Variants in NSUN7 observed in about 807,000 individuals in gnomAD.
NSUN7 encodes NOP2/Sun RNA methyltransferase family member 7.
A neutral mutation model predicts 58.5 loss-of-function variants in NSUN7; 39 were observed. The ratio of observed to expected loss-of-function variants is 0.67; its 90% CI spans 0.52 to 0.87. The LOEUF (loss-of-function observed/expected upper bound fraction) is 0.87. NSUN7 is among the 40% of genes least tolerant of loss of function. NSUN7 has a pLI of 0.00. For synonymous variants in NSUN7, 278 were observed against 303.7 expected (o/e 0.92, Z 0.88); for missense variants, 765 against 844.1 (o/e 0.91, Z 1.16).
At chr4:40,751,060 CCCT>C (rs1166839866) in intron 2 of NSUN7, 69 bp downstream of exon 2, 7 of 1,516,018 alleles carry the variant, frequency 4.6e-6, no homozygotes, top group Non-Finnish European at 6.3e-6. Context: ...GGGAATGCAG[CCCT>C]CCTCCTCCCT....
At position 40,810,120 on chromosome 4, in the gene NSUN7, A is replaced by C. The variant is rs1744126033; in HGVS notation, c.*1181A>C. The C allele has an allele frequency of 6.6e-6, 1 of 152,262 alleles. No individual in the cohort carries two copies. The highest frequency in any genetic ancestry group is 1.5e-5 in the Non-Finnish European group (1 of 68,044). 9.4% of individuals were successfully genotyped at this position (152,262 alleles called of 1,614,324 possible). A position where few individuals can be genotyped will look rare whatever the true frequency, so the allele number is the denominator to read the frequency against. On this transcript the variant is annotated 3_prime_UTR_variant, in exon 12 of 12. Coordinates refer to ENST00000381782, the MANE Select transcript of NSUN7 (RefSeq NM_024677.6). Reference sequence around the variant, plus strand: ...GCTCAATTCAGGTGGCATGATTTTTAGAATATTATCTTCTTCAAGATGAAT... The same window carrying C: ...GCTCAATTCAGGTGGCATGATTTTTCGAATATTATCTTCTTCAAGATGAAT...
At chr4:40,764,031 T>C (rs1741586382) in intron 4 of NSUN7, among the ~76,000 whole-genome samples, 1 of 152,108 alleles carries the variant, frequency 6.6e-6, no homozygotes, top group South Asian at 2.1e-4. Context: ...CCACAGTATT[T>C]TACTCGAGTC....
In NSUN7 at chr4:40,786,026, TCTTATAG is replaced by T. The variant is rs1577571618; in HGVS notation, c.1037-4573_1037-4567del. 4.7e-6 allele frequency: 7 copies of T among 1,499,516 alleles called. No individual in the cohort carries two copies. In the East Asian group the frequency reaches 1.6e-4, roughly 34 times the overall value. The allele number at this position is 1,499,516 out of a possible 1,614,324, so 92.9% of individuals were successfully genotyped here. The stretch of plus-strand genomic sequence containing the variant: ...AGAAGAGGGAAGGACAGTTAGTCAG[TCTTATAG>T]CTGGATCAGTTACCAGGAGAAGTTC... On this transcript the variant is annotated intron_variant, in intron 7 of 11. Transcript: ENST00000381782.
At chr4:40,759,211 T>A (rs1435496258) in intron 2 of NSUN7, among the ~76,000 whole-genome samples, 1 of 152,140 alleles carries the variant, frequency 6.6e-6, no homozygotes, top group African/African-American at 2.4e-5. Flanking sequence ...CTTGGTAGGC[T>A]GAGACAGGAG....
chr4:40,755,487 T>C (rs915117735), intron 2 of NSUN7, among the ~76,000 whole-genome samples: 1 of 152,346 alleles, frequency 6.6e-6, no homozygotes, highest in African/African-American at 2.4e-5. Flanking sequence ...TCCCTGAAAT[T>C]GCTTATCTTT....
rs1744256865 is a variant in NSUN7, at chr4:40,810,804, G to C, written c.*1865G>C. On this transcript the variant is annotated 3_prime_UTR_variant, in exon 12 of 12. Coordinates refer to ENST00000381782, the MANE Select transcript of NSUN7 (RefSeq NM_024677.6). ...GTGGCTCATCCTCTTATCCCACCCA[G>C]ATTTCTATCTGGTTGGTTAGGGTAG... 6.6e-6 allele frequency: 1 copy of C among 152,134 alleles called. No homozygotes were observed. Among genetic ancestry groups the C allele is most frequent in the Non-Finnish European group, 1.5e-5 (1 of 68,034 alleles). 9.4% of individuals were successfully genotyped at this position (152,134 alleles called of 1,614,324 possible).
intron 4 of NSUN7, among the ~76,000 whole-genome samples, chr4:40,772,849 C>T (rs1742078561): frequency 6.6e-6 from 1 of 152,186 alleles, no homozygotes; most frequent in Admixed American, 6.5e-5. Flanking sequence ...TGTTTTGTGA[C>T]ATCTCTTCTT....
intron 7 of NSUN7, among the ~76,000 whole-genome samples, chr4:40,781,340 C>T (rs1011786836): frequency 1.3e-5 from 2 of 152,150 alleles, no homozygotes; most frequent in Non-Finnish European, 2.9e-5. Flanking sequence ...TGTGAGCTAC[C>T]ATGCCTGGCC....
At chr4:40,773,755 A>G (rs892215060) in intron 4 of NSUN7, among the ~76,000 whole-genome samples, 2 of 152,126 alleles carry the variant, frequency 1.3e-5, no homozygotes, top group Non-Finnish European at 2.9e-5. Flanking sequence ...ACAACTATAC[A>G]GGGGCAGCAA....
Position 40,808,605 on chromosome 4 carries a change from A to G in NSUN7, c.1823A>G (p.Lys608Arg), listed in dbSNP as rs1267337219. 6.4e-7 allele frequency: 1 copy of G among 1,551,800 alleles called. No homozygotes were observed. The highest frequency in any genetic ancestry group is 2.4e-5 in the East Asian group (1 of 40,932). The change falls in exon 12 of 12, where the codon AAG becomes AGG. Residue 608 changes from lysine to arginine, a missense_variant. Transcript: ENST00000381782. ...GASSQTRKPN[K>R]LAPHPAVPAF... The stretch of plus-strand genomic sequence containing the variant: ...TCCTCACAGACCAGAAAACCCAACA[A>G]GCTGGCCCCCCATCCTGCAGTGCCT...
chr4:40,799,942 A>AATGTGAAATT (rs1577584591), intron 10 of NSUN7, among the ~76,000 whole-genome samples: 1 of 152,356 alleles, frequency 6.6e-6, no homozygotes, highest in East Asian at 1.9e-4. Context: ...ATTTCACATT[A>AATGTGAAATT]CAGAAGTACT....
chr4:40,776,252 A>T lies in NSUN7; in HGVS notation c.1029A>T (p.Gly343=). 2 of 1,561,500 alleles carry T rather than the reference A, an allele frequency of 1.3e-6. No individual in the cohort carries two copies. Among genetic ancestry groups the T allele is most frequent in the Non-Finnish European group, 1.7e-6 (2 of 1,151,548 alleles). The change falls in exon 7 of 12, where the codon GGA becomes GGT. Residue 343 remains glycine, a synonymous_variant. Coordinates refer to ENST00000381782, the MANE Select transcript of NSUN7 (RefSeq NM_024677.6). ...TGAAGACCCTTTTCACAAAAATAGG[A>T]TGTAAAAGTATGTAAAAATATTTCT... is the stretch of plus-strand genomic sequence containing the variant. ...PDLKTLFTKI[G]CKNIEILHEK...
intron 2 of NSUN7, among the ~76,000 whole-genome samples, chr4:40,757,630 CATT>C (rs1560544939): frequency 7.2e-6 from 1 of 139,774 alleles, no homozygotes; most frequent in Non-Finnish European, 1.5e-5. Flanking sequence ...TATATATATA[CATT>C]GTGTGTATAT....
intron 2 of NSUN7, among the ~76,000 whole-genome samples, chr4:40,757,508 TTGA>T (rs1419116328): frequency 6.7e-6 from 1 of 148,700 alleles, no homozygotes; most frequent in Non-Finnish European, 1.5e-5. Context: ...GTTATTCATG[TTGA>T]TATTACTATG....
intron 2 of NSUN7, among the ~76,000 whole-genome samples, chr4:40,759,095 A>T (rs1235725591): frequency 1.3e-5 from 2 of 152,114 alleles, no homozygotes; most frequent in Non-Finnish European, 2.9e-5. Context: ...AGATCACCTG[A>T]GGTCAGGAGT....
chr4:40,801,826 C>G (rs566260785), intron 10 of NSUN7, among the ~76,000 whole-genome samples: 90 of 146,130 alleles, frequency 6.2e-4, no homozygotes, highest in Middle Eastern at 3.6e-3. Context: ...TGCTTGAGCC[C>G]AAGAGGTTAA....
intron 9 of NSUN7, 28 bp from the exon 10 acceptor site, chr4:40,798,759 A>C (rs1743427864): frequency 8.0e-7 from 1 of 1,247,512 alleles, no homozygotes; most frequent in African/African-American, 1.5e-5. Context: ...TATAGTTGTT[A>C]CAGTCATTGC....
At chr4:40,763,994 T>G (rs1445035474) in intron 4 of NSUN7, among the ~76,000 whole-genome samples, 4 of 152,172 alleles carry the variant, frequency 2.6e-5, no homozygotes, top group African/African-American at 7.2e-5. Context: ...AGTAGCACAT[T>G]GCTGAGAAAA....
At chr4:40,756,062 C>T (rs73810640) in intron 2 of NSUN7, among the ~76,000 whole-genome samples, 2,516 of 151,954 alleles carry the variant, frequency 0.017, 67 homozygotes, top group African/African-American at 0.058. Flanking sequence ...GAGACCAAGC[C>T]GATACTGTGT....
Sources: allele counts gnomAD v4.1 joint callset (sites outside exome capture counted in the v4.1 genomes callset), GRCh38; gene constraint gnomAD v4.1.1; transcripts MANE v1.5; gene names NCBI Gene and HGNC (gene_info 2026-07-23, HGNC 2026-07-21).